ASIC2: variants seen among roughly 807,000 people sequenced by gnomAD.
ASIC2 encodes acid sensing ion channel subunit 2.
ASIC2 carries 25 observed loss-of-function variants against 57.3 expected under a neutral mutation model. The observed-to-expected ratio is 0.44, with a 90% CI of 0.32 to 0.61. ASIC2 has a LOEUF of 0.61. ASIC2 is among the 20% of genes least tolerant of loss of function. ASIC2 has a pLI of 0.06. For missense variants in ASIC2, 641 were observed against 738.1 expected (o/e 0.87, Z 1.52); for synonymous variants, 319 against 307.5 (o/e 1.04, Z -0.39).
chr17:33,192,894 T>C (rs1293447584), intron 1 of ASIC2, among the ~76,000 whole-genome samples: 2 of 152,232 alleles, frequency 1.3e-5, no homozygotes, highest in African/African-American at 4.8e-5. Context: ...TGATTAAATA[T>C]AGCTATTTTT....
chr17:33,862,493 G>T (rs879477965), intron 1 of ASIC2, among the ~76,000 whole-genome samples: 4 of 152,048 alleles, frequency 2.6e-5, no homozygotes, highest in Non-Finnish European at 5.9e-5. Flanking sequence ...ATCAAATCAG[G>T]GTAATCAGCA....
intron 1 of ASIC2, among the ~76,000 whole-genome samples, chr17:33,853,328 G>A (rs1913825390): frequency 6.6e-6 from 1 of 152,160 alleles, no homozygotes. Context: ...GGGAGAAAGG[G>A]CTCACCCGGC....
At chr17:33,627,598 C>T (rs907489925) in intron 1 of ASIC2, among the ~76,000 whole-genome samples, 1 of 152,224 alleles carries the variant, frequency 6.6e-6, no homozygotes, top group Non-Finnish European at 1.5e-5. Context: ...TAGGTCTCCT[C>T]AACCCCTGAA....
chr17:34,045,796 A>T (rs1205505402), intron 1 of ASIC2, among the ~76,000 whole-genome samples: 1 of 152,212 alleles, frequency 6.6e-6, no homozygotes, highest in African/African-American at 2.4e-5. Flanking sequence ...TACACAAACA[A>T]GGTCACTGAC....
At chr17:33,747,801 G>T (rs1295237048) in intron 1 of ASIC2, among the ~76,000 whole-genome samples, 8 of 152,196 alleles carry the variant, frequency 5.3e-5, no homozygotes, top group African/African-American at 1.7e-4. Flanking sequence ...CCCCAGGTCT[G>T]CAGGGTCCTC....
At chr17:33,184,709 C>CT (rs1906120125) in intron 1 of ASIC2, among the ~76,000 whole-genome samples, 1 of 152,166 alleles carries the variant, frequency 6.6e-6, no homozygotes, top group Non-Finnish European at 1.5e-5. Context: ...CGTTGGATAC[C>CT]TGCCTTTCAG....
chr17:33,418,263 A>G (rs962540717), intron 1 of ASIC2, among the ~76,000 whole-genome samples: 3 of 152,142 alleles, frequency 2.0e-5, no homozygotes, highest in Non-Finnish European at 2.9e-5. Flanking sequence ...CCACCTGTGT[A>G]GCACCAAACC....
chr17:33,353,883 A>C (rs977220589), intron 1 of ASIC2, among the ~76,000 whole-genome samples: 1 of 152,194 alleles, frequency 6.6e-6, no homozygotes, highest in African/African-American at 2.4e-5. Context: ...TGTGTATCTT[A>C]GAGTATTAGC....
chr17:33,507,353 C>T (rs533760651), intron 1 of ASIC2, among the ~76,000 whole-genome samples: 16 of 152,320 alleles, frequency 1.1e-4, no homozygotes, highest in East Asian at 7.7e-4. Context: ...GATAAATCAT[C>T]GCTCTGTGGT....
chr17:34,084,765 G>A (rs1410415143), intron 1 of ASIC2, among the ~76,000 whole-genome samples: 1 of 152,170 alleles, frequency 6.6e-6, no homozygotes, highest in African/African-American at 2.4e-5. Context: ...TACGTCCCTT[G>A]TAAGGTGGAT....
intron 1 of ASIC2, among the ~76,000 whole-genome samples, chr17:33,149,763 G>C (rs1374258233): frequency 6.6e-6 from 1 of 151,998 alleles, no homozygotes; most frequent in African/African-American, 2.4e-5. Context: ...TAATTTATTT[G>C]ATCAATAGTG....
chr17:33,996,628 G>T (rs1255354101), intron 1 of ASIC2, among the ~76,000 whole-genome samples: 3 of 152,108 alleles, frequency 2.0e-5, no homozygotes, highest in Non-Finnish European at 4.4e-5. Context: ...TTCTCCCATT[G>T]TGTGTTCTTG....
rs4349194 is a variant in ASIC2, at chr17:33,443,659, G to A, written c.556-331592C>T. Among the ~76,000 whole-genome samples, 1,342 of 151,242 alleles carry A rather than the reference G, an allele frequency of 8.9e-3. 20 individuals are homozygous for A. The highest frequency in any genetic ancestry group is 0.031 in the African/African-American group (1,272 of 41,230). On this transcript the variant is annotated intron_variant, in intron 1 of 9. Coordinates refer to the ASIC2 transcript ENST00000359872. ...TCTCGATCTCCTGACCTCGTGATCCGCCCGCCTCGGCCTCCCAAAGTGCTG... is the reference window on the plus strand; with the variant it reads ...TCTCGATCTCCTGACCTCGTGATCCACCCGCCTCGGCCTCCCAAAGTGCTG...
At chr17:33,760,632 T>A (rs1219226827) in intron 1 of ASIC2, among the ~76,000 whole-genome samples, 1 of 151,450 alleles carries the variant, frequency 6.6e-6, no homozygotes, top group Non-Finnish European at 1.5e-5. Flanking sequence ...CATACACACA[T>A]ACACAAATAT....
At chr17:33,726,087 G>A (rs1909551562) in intron 1 of ASIC2, among the ~76,000 whole-genome samples, 1 of 152,206 alleles carries the variant, frequency 6.6e-6, no homozygotes, top group African/African-American at 2.4e-5. Context: ...TGGACAGAAG[G>A]TAGAGTTTGC....
At chr17:33,608,392 G>A (rs1275761764) in intron 1 of ASIC2, among the ~76,000 whole-genome samples, 1 of 152,126 alleles carries the variant, frequency 6.6e-6, no homozygotes, top group African/African-American at 2.4e-5. Context: ...AAAGTCTCAG[G>A]AATGTTGGAA....
At chr17:33,814,714 A>G (rs1290543610) in intron 1 of ASIC2, among the ~76,000 whole-genome samples, 2 of 152,234 alleles carry the variant, frequency 1.3e-5, no homozygotes, top group African/African-American at 4.8e-5. Context: ...TGAGTGGCAC[A>G]TATGTGCAGG....
chr17:33,489,583 A>G (rs1248248403), intron 1 of ASIC2, among the ~76,000 whole-genome samples: 2 of 152,180 alleles, frequency 1.3e-5, no homozygotes, highest in African/African-American at 2.4e-5. Flanking sequence ...TCCCATCTGG[A>G]GACTCCATCT....
At chr17:33,068,385 T>C (rs1299548960) in intron 3 of ASIC2, among the ~76,000 whole-genome samples, 1 of 152,010 alleles carries the variant, frequency 6.6e-6, no homozygotes, top group Non-Finnish European at 1.5e-5. Flanking sequence ...AATACAAAAT[T>C]AGCTGGGCAT....
Sources: allele counts gnomAD v4.1 joint callset (sites outside exome capture counted in the v4.1 genomes callset), GRCh38; gene constraint gnomAD v4.1.1; transcripts MANE v1.5; gene names NCBI Gene and HGNC (gene_info 2026-07-23, HGNC 2026-07-21).